PLPP4: variants seen among roughly 807,000 people sequenced by gnomAD.
PLPP4 encodes the protein diacylglycerol pyrophosphate like 2.
A neutral mutation model predicts 32.2 loss-of-function variants in PLPP4; 20 were observed. The observed-to-expected ratio is 0.62, with a 90% CI of 0.44 to 0.90. The LOEUF is 0.90. PLPP4 is among the 40% of genes least tolerant of loss of function. PLPP4 has a pLI of 0.00. For synonymous variants in PLPP4, 127 were observed against 133.0 expected (o/e 0.95, Z 0.31); for missense variants, 257 against 353.1 (o/e 0.73, Z 2.18).
At chr10:120,526,138 GA>G (rs1846379099) in intron 5 of PLPP4, among the ~76,000 whole-genome samples, 1 of 151,870 alleles carries the variant, frequency 6.6e-6, no homozygotes, top group East Asian at 1.9e-4. Context: ...AGCTTCTATA[GA>G]ATTTTTATTA....
intron 5 of PLPP4, among the ~76,000 whole-genome samples, chr10:120,550,750 A>G (rs1034058535): frequency 6.6e-6 from 1 of 152,046 alleles, no homozygotes; most frequent in African/African-American, 2.4e-5. Context: ...TATAAAACTT[A>G]TTTCAAAATT....
intron 5 of PLPP4, among the ~76,000 whole-genome samples, chr10:120,523,836 T>C (rs1210712866): frequency 3.9e-5 from 6 of 152,234 alleles, no homozygotes; most frequent in African/African-American, 4.8e-5. Flanking sequence ...TACTGTCTAC[T>C]GTTGCATTTG....
intron 5 of PLPP4, among the ~76,000 whole-genome samples, chr10:120,571,840 A>G (rs1404787735): frequency 6.6e-6 from 1 of 152,236 alleles, no homozygotes; most frequent in South Asian, 2.1e-4. Context: ...CCCTTGGGCC[A>G]GAGGGAATGG....
At chr10:120,578,118 A>C (rs914803573) in intron 6 of PLPP4, among the ~76,000 whole-genome samples, 2 of 152,218 alleles carry the variant, frequency 1.3e-5, no homozygotes. Context: ...CCCCTGTTCT[A>C]CATCATACCC....
intron 1 of PLPP4, among the ~76,000 whole-genome samples, chr10:120,483,497 A>G (rs1844307078): frequency 6.6e-6 from 1 of 152,232 alleles, no homozygotes; most frequent in African/African-American, 2.4e-5. Flanking sequence ...CCAGGCATAC[A>G]CTGAGTCTTT....
rs758738861 is a variant in PLPP4, at chr10:120,589,511, C to T, written c.*9C>T. 45 of 1,611,876 alleles carry T rather than the reference C, an allele frequency of 2.8e-5. No individual in the cohort carries two copies. Among genetic ancestry groups the T allele is most frequent in the Non-Finnish European group, 3.6e-5 (43 of 1,178,558 alleles). On this transcript the variant is annotated 3_prime_UTR_variant, in exon 7 of 7. Transcript: ENST00000398250. ...CCGAAGGCCCGGTATGACCAGTGTC[C>T]TGGGAGGATGGACACTAAGCCCTGG... is the stretch of plus-strand genomic sequence containing the variant.
chr10:120,539,012 C>G (rs1432016967), intron 5 of PLPP4, among the ~76,000 whole-genome samples: 2 of 152,216 alleles, frequency 1.3e-5, no homozygotes, highest in Non-Finnish European at 2.9e-5. Flanking sequence ...GCTTCTCTTT[C>G]CTTCCTTGGC....
intron 5 of PLPP4, among the ~76,000 whole-genome samples, chr10:120,522,649 CG>C (rs1443433745): frequency 6.6e-6 from 1 of 152,122 alleles, no homozygotes; most frequent in African/African-American, 2.4e-5. Flanking sequence ...CAAACAGATA[CG>C]TTTAAGTCCC....
At chr10:120,535,687 T>G (rs7087542) in intron 5 of PLPP4, among the ~76,000 whole-genome samples, 44,151 of 152,084 alleles carry the variant, frequency 0.29, 6,516 homozygotes, top group Admixed American at 0.35. Flanking sequence ...TGAGCCTTTT[T>G]TTCCAATATT....
intron 6 of PLPP4, among the ~76,000 whole-genome samples, chr10:120,582,375 T>A (rs145748459): frequency 6.6e-6 from 1 of 152,304 alleles, no homozygotes; most frequent in Non-Finnish European, 1.5e-5. Context: ...TTTCTCTGTG[T>A]GTCCTCACAT....
Position 120,457,291 on chromosome 10 carries a change from T to G in PLPP4, c.-15T>G, listed in dbSNP as rs927746172. ...GAGCACCAGCTGACGCCGCGGGAGC[T>G]GCTCCGGCCGCACCATGCGGGAGCT... On this transcript the variant is annotated 5_prime_UTR_variant, in exon 1 of 7. Transcript: ENST00000398250. 1.0e-5 allele frequency: 15 copies of G among 1,496,228 alleles called. No homozygotes were observed. The Admixed American group carries it at 2.0e-4, about 20-fold the overall frequency. 92.7% of individuals were successfully genotyped at this position (1,496,228 alleles called of 1,614,324 possible).
At chr10:120,510,594 T>C (rs142256591) in intron 2 of PLPP4, among the ~76,000 whole-genome samples, 2 of 152,258 alleles carry the variant, frequency 1.3e-5, no homozygotes, top group Admixed American at 6.5e-5. Context: ...GTGGAATGCT[T>C]ATGCACTGGT....
intron 1 of PLPP4, among the ~76,000 whole-genome samples, chr10:120,497,035 G>A (rs944974833): frequency 1.3e-5 from 2 of 152,012 alleles, no homozygotes; most frequent in African/African-American, 2.4e-5. Flanking sequence ...TAGGGGGTAG[G>A]ACCATATTTT....
intron 6 of PLPP4, chr10:120,581,039 C>T: frequency 7.8e-7 from 1 of 1,288,674 alleles, no homozygotes; most frequent in South Asian, 1.2e-5. Context: ...CGTAAGAAGC[C>T]TCAGCCCCTG....
At chr10:120,540,201 C>T (rs1847274150) in intron 5 of PLPP4, among the ~76,000 whole-genome samples, 1 of 152,162 alleles carries the variant, frequency 6.6e-6, no homozygotes. Flanking sequence ...GCCAAATGCA[C>T]AGCTGCCCAG....
intron 6 of PLPP4, among the ~76,000 whole-genome samples, chr10:120,576,715 G>A (rs181069308): frequency 7.2e-5 from 11 of 152,322 alleles, no homozygotes; most frequent in Non-Finnish European, 1.3e-4. Context: ...TGATGGGGGA[G>A]GTCAGAAGAG....
At chr10:120,510,885 G>A (rs186149302) in intron 2 of PLPP4, among the ~76,000 whole-genome samples, 1 of 152,270 alleles carries the variant, frequency 6.6e-6, no homozygotes, top group East Asian at 1.9e-4. Flanking sequence ...TGAGACACTA[G>A]GGCCCATTGC....
chr10:120,585,713 G>C (rs1049823067), intron 6 of PLPP4, among the ~76,000 whole-genome samples: 1 of 152,346 alleles, frequency 6.6e-6, no homozygotes, highest in African/African-American at 2.4e-5. Context: ...ATTTCTCAGC[G>C]TGGAAGATTC....
rs144178673 is a variant in PLPP4 at position 120,553,405 on chromosome 10, G to A, written c.446-21726G>A. 2.0e-3 allele frequency among the ~76,000 whole-genome samples: 298 copies of A among 152,320 alleles called. 1 individual carries two copies. Among genetic ancestry groups the A allele is most frequent in the African/African-American group, 6.9e-3 (286 of 41,580 alleles). On this transcript the variant is annotated intron_variant, in intron 5 of 6. Coordinates refer to ENST00000398250, the MANE Select transcript of PLPP4 (RefSeq NM_001030059.3). ...AAAGCTCTCTTGCCCCTTCCACCAT[G>A]TGATGACACAGTAAGAAGGTACCAC...
Sources: allele counts gnomAD v4.1 joint callset (sites outside exome capture counted in the v4.1 genomes callset), GRCh38; gene constraint gnomAD v4.1.1; transcripts MANE v1.5; gene names NCBI Gene and HGNC (gene_info 2026-07-23, HGNC 2026-07-21).